The following NRXN1 variants were observed in gnomAD, a reference collection of about 807,000 sequenced individuals.
NRXN1 encodes neurexin-1.
NRXN1 carries 39 observed loss-of-function variants against 150.9 expected under a neutral mutation model. The observed-to-expected ratio is 0.26, with a 90% CI of 0.20 to 0.34. The LOEUF is 0.34. NRXN1 is among the 10% of genes least tolerant of loss of function. The pLI is 1.00. For synonymous variants in NRXN1, 924 were observed against 757.0 expected, an observed-to-expected ratio of 1.22 and a Z score of -3.62; for missense variants, 1,815 against 1,949.9, an observed-to-expected ratio of 0.93 and a Z score of 1.30.
In NRXN1 at chr2:50,927,345, A is replaced by G. The variant is rs1687060660; in HGVS notation, c.773-1390T>C. ...CTGATGTGGTGTTAGCATGTAATAG[A>G]AAATGGCTGGTGGCTAAATGTGGGT... is the stretch of plus-strand genomic sequence containing the variant. On this transcript the variant is annotated intron_variant, in intron 2 of 22. Transcript: ENST00000401669. 2.0e-5 allele frequency among the ~76,000 whole-genome samples: 3 copies of G among 152,174 alleles called. No individual in the cohort carries two copies. In the South Asian group the frequency reaches 6.2e-4, roughly 31 times the overall value.
At chr2:50,752,478 G>A (rs561781640) in intron 5 of NRXN1, among the ~76,000 whole-genome samples, 40 of 152,002 alleles carry the variant, frequency 2.6e-4, no homozygotes, top group African/African-American at 8.9e-4. Context: ...GGAACCCAAT[G>A]CTAACTATAG....
intron 18 of NRXN1, among the ~76,000 whole-genome samples, chr2:50,098,307 G>T (rs189282700): frequency 6.6e-6 from 1 of 152,192 alleles, no homozygotes; most frequent in East Asian, 1.9e-4. Flanking sequence ...AAGGTAAATC[G>T]TGCATGCAAA....
chr2:50,711,794 T>C (rs924102541), intron 5 of NRXN1, among the ~76,000 whole-genome samples: 27 of 152,162 alleles, frequency 1.8e-4, no homozygotes, highest in Admixed American at 6.5e-4. Context: ...AAGGAATTAG[T>C]GCCTCTTTAT....
chr2:50,283,899 C>CCAAAA (rs977941425), intron 17 of NRXN1, among the ~76,000 whole-genome samples: 11 of 152,088 alleles, frequency 7.2e-5, no homozygotes, highest in East Asian at 5.8e-4. Flanking sequence ...TAGGTAAATG[C>CCAAAA]CAAAACAAAA....
chr2:50,250,486 A>C (rs1257125400), intron 17 of NRXN1, among the ~76,000 whole-genome samples: 1 of 151,924 alleles, frequency 6.6e-6, no homozygotes, highest in Non-Finnish European at 1.5e-5. Context: ...ACTATGTCTT[A>C]TCTCTTTGTC....
At chr2:51,011,927 G>A (rs1667942288) in intron 2 of NRXN1, among the ~76,000 whole-genome samples, 1 of 151,958 alleles carries the variant, frequency 6.6e-6, no homozygotes, top group Admixed American at 6.6e-5. Context: ...GCCTAAAATA[G>A]CATAATATCA....
intron 8 of NRXN1, among the ~76,000 whole-genome samples, chr2:50,554,161 T>C (rs1667901678): frequency 6.6e-6 from 1 of 152,080 alleles, no homozygotes; most frequent in African/African-American, 2.4e-5. Flanking sequence ...TACATATATA[T>C]ATATGTATAT....
rs573188861 is a variant in NRXN1, at chr2:51,019,508, A to T, written c.772+7994T>A. 1.8e-4 allele frequency among the ~76,000 whole-genome samples: 27 copies of T among 152,210 alleles called. 1 individual carries two copies. In the South Asian group the frequency reaches 5.4e-3, roughly 30 times the overall value. ...AGGCATCTAGTCCATTTTCTGAAAT[A>T]ACTTAATGTATAATATTTTGGGGGA... On this transcript the variant is annotated intron_variant, in intron 2 of 22. Transcript: ENST00000401669.
In NRXN1 at chr2:50,216,598, A is replaced by G. The variant is rs565171702; in HGVS notation, c.3546+20191T>C. Among the ~76,000 whole-genome samples the G allele has an allele frequency of 3.7e-4, 57 of 152,150 alleles. No homozygotes were observed. In the South Asian group the frequency reaches 7.5e-3, roughly 20 times the overall value. ...AGCAGAGACTGAGACATGCCAACAG[A>G]TAGAGTTTTTTCTTTCTTATTTTTC... is the stretch of plus-strand genomic sequence containing the variant. On this transcript the variant is annotated intron_variant, in intron 18 of 22. Coordinates refer to ENST00000401669, the MANE Select transcript of NRXN1 (RefSeq NM_001330078.2).
intron 17 of NRXN1, among the ~76,000 whole-genome samples, chr2:50,357,232 CT>C (rs1482768917): frequency 1.3e-5 from 2 of 152,016 alleles, no homozygotes; most frequent in East Asian, 3.9e-4. Context: ...GGCCACTGTG[CT>C]CCAGCCTGGG....
chr2:50,034,507 G>T (rs772043486), intron 21 of NRXN1, among the ~76,000 whole-genome samples: 6 of 151,988 alleles, frequency 3.9e-5, no homozygotes, highest in Admixed American at 2.6e-4. Flanking sequence ...TGGAGGTTGG[G>T]AAGAGGTAGA....
At chr2:50,637,529 A>G (rs548906122) in intron 5 of NRXN1, 1 of 152,272 alleles carries the variant, frequency 6.6e-6, no homozygotes, top group Non-Finnish European at 1.5e-5. Flanking sequence ...CTCACAGAAT[A>G]GAAGGAATTG....
In NRXN1 at chr2:50,833,042, T is replaced by C. The variant is rs76467334; in HGVS notation, c.832+88827A>G. The stretch of plus-strand genomic sequence containing the variant: ...CAGACACTTCACCAAACAGGCTATA[T>C]GGGGGCAAATAAACACAGGAAAAAA... On this transcript the variant is annotated intron_variant, in intron 5 of 22. Transcript: ENST00000401669. Among the ~76,000 whole-genome samples the C allele has an allele frequency of 2.8e-4, 43 of 152,228 alleles. No individual in the cohort carries two copies. In the East Asian group the frequency reaches 8.1e-3, roughly 29 times the overall value.
chr2:50,297,321 T>C (rs2073703150), intron 17 of NRXN1, among the ~76,000 whole-genome samples: 1 of 152,190 alleles, frequency 6.6e-6, no homozygotes, highest in South Asian at 2.1e-4. Flanking sequence ...AACCATGGAG[T>C]TGGCAATTTG....
chr2:50,668,659 T>C (rs140164942), intron 5 of NRXN1, among the ~76,000 whole-genome samples: 1 of 152,144 alleles, frequency 6.6e-6, no homozygotes, highest in African/African-American at 2.4e-5. Context: ...CTTCAATGTG[T>C]CATTCAAATA....
intron 22 of NRXN1, among the ~76,000 whole-genome samples, chr2:49,925,791 G>A (rs1669010662): frequency 1.3e-5 from 2 of 151,784 alleles, no homozygotes; most frequent in African/African-American, 4.8e-5. Flanking sequence ...ACGTGACAAA[G>A]AAACAAGTGA....
intron 2 of NRXN1, among the ~76,000 whole-genome samples, chr2:50,986,145 G>A (rs1697665358): frequency 6.6e-6 from 1 of 151,534 alleles, no homozygotes. Context: ...AATTAAAACA[G>A]CAACATAATT....
intron 21 of NRXN1, among the ~76,000 whole-genome samples, chr2:50,028,371 G>T (rs955094588): frequency 6.6e-6 from 1 of 152,164 alleles, no homozygotes; most frequent in Non-Finnish European, 1.5e-5. Flanking sequence ...AAAAGACCCA[G>T]ATTCTAAAAT....
chr2:50,374,116 C>T (rs1056753843), intron 17 of NRXN1, among the ~76,000 whole-genome samples: 1 of 150,808 alleles, frequency 6.6e-6, no homozygotes, highest in African/African-American at 2.4e-5. Flanking sequence ...TATAGCAAGA[C>T]CTCGTCTCTA....
Sources: gnomAD v4.1 joint callset for allele counts (sites outside exome capture counted in the v4.1 genomes callset) on GRCh38, gnomAD v4.1.1 for gene constraint, MANE v1.5 for transcripts, NCBI Gene and HGNC (gene_info 2026-07-23, HGNC 2026-07-21) for gene names.